The following TBXAS1 variants were observed in gnomAD, a reference collection of about 807,000 sequenced individuals.
TBXAS1 encodes the protein thromboxane-A synthase.
In TBXAS1, 48 loss-of-function variants were observed where a neutral mutation model predicts 60.7. The ratio of observed to expected loss-of-function variants is 0.79; its 90% CI spans 0.63 to 1.01. The LOEUF (loss-of-function observed/expected upper bound fraction) is 1.01, where lower values mean the gene tolerates loss of function less well. Ranked by LOEUF, TBXAS1 falls within the 50% of genes least tolerant of loss-of-function variation. TBXAS1 has a pLI of 0.00. For missense variants in TBXAS1, 685 were observed against 686.3 expected (o/e 1.00, Z 0.02); for synonymous variants, 287 against 269.7 (o/e 1.06, Z -0.63).
intron 9 of TBXAS1, among the ~76,000 whole-genome samples, chr7:139,986,755 ATGTGTG>A (rs72102720): frequency 2.5e-3 from 200 of 79,674 alleles, no homozygotes; most frequent in South Asian, 5.9e-3. Flanking sequence ...ATATATATAT[ATGTGTG>A]TGTGTGTGTG....
In TBXAS1 at chr7:139,784,877, A is replaced by G. The variant is rs181593696; in HGVS notation, c.-169+2148A>G. 2.9e-3 allele frequency among the ~76,000 whole-genome samples: 408 copies of G among 139,322 alleles called. 2 individuals are homozygous for G. The highest frequency in any genetic ancestry group is 8.0e-3 in the African/African-American group (277 of 34,478). 91.4% of individuals were successfully genotyped at this position (139,322 alleles called of 152,430 possible). Reference sequence around the variant, plus strand: ...TAGAGATTGTTTTGAGTCATCAGTAAGTGTATAATGCGTGGCTGATCCATA... The same window carrying G: ...TAGAGATTGTTTTGAGTCATCAGTAGGTGTATAATGCGTGGCTGATCCATA... On this transcript the variant is annotated intron_variant, in intron 3 of 16. Transcript: ENST00000336425.
upstream of TBXAS1, among the ~76,000 whole-genome samples, chr7:139,824,829 C>CTTTTCTTTT (rs1401847052): frequency 2.0e-3 from 78 of 38,842 alleles, 13 homozygotes; most frequent in East Asian, 7.7e-3. Flanking sequence ...TTTTCCTTTT[C>CTTTTCTTTT]TTTTTTTTTT....
In TBXAS1 at chr7:139,962,187, G is replaced by C. The variant is rs778850867; in HGVS notation, c.1088G>C (p.Cys363Ser). The change falls in exon 9 of 13, where the codon TGC (cysteine) becomes TCC (serine). Residue 363 changes from cysteine to serine, a missense_variant. By Grantham distance (112) the Cys-to-Ser change is moderately radical. Coordinates refer to ENST00000448866, the MANE Select transcript of TBXAS1 (RefSeq NM_001061.7). The part of the protein sequence containing the change: ...ATYLLATNPD[C>S]QEKLLREVDV... ...TACCTACTGGCCACCAACCCTGACT[G>C]CCAAGAGAAGCTTCTGAGAGAGGTA... 6.2e-6 allele frequency: 10 copies of C among 1,614,184 alleles called. No individual in the cohort carries two copies. Among genetic ancestry groups the C allele is most frequent in the Non-Finnish European group, 8.5e-6 (10 of 1,180,024 alleles).
In TBXAS1 at chr7:139,778,880, T is replaced by C. The variant is rs1796880170; in HGVS notation, c.-318+409T>C. ...GGATGCCCTGCCATCCCCTCCAACT[T>C]AGGAAGACTTGTTGAGTCTCCTCTT... On this transcript the variant is annotated intron_variant, in intron 1 of 16. Transcript: ENST00000336425. The surrounding 1 kb of genome is among the most constrained non-coding windows in gnomAD (Gnocchi z 4.8). Among the ~76,000 whole-genome samples, 2 of 152,304 alleles carry C rather than the reference T, an allele frequency of 1.3e-5. No individual in the cohort carries two copies. The highest frequency in any genetic ancestry group is 6.8e-3 in the Middle Eastern group (2 of 294).
chr7:139,856,670 G>A (rs973980442), intron 1 of TBXAS1, among the ~76,000 whole-genome samples: 1 of 152,170 alleles, frequency 6.6e-6, no homozygotes, highest in Non-Finnish European at 1.5e-5. Flanking sequence ...CGCCTTCATG[G>A]GTCCCATGTA....
upstream of TBXAS1, among the ~76,000 whole-genome samples, chr7:139,828,209 G>A (rs575685089): frequency 1.3e-5 from 2 of 152,154 alleles, no homozygotes; most frequent in South Asian, 4.2e-4. Context: ...TTGTTGAATT[G>A]GGTTAATTTG....
At chr7:139,782,658 C>G (rs1285124610) in intron 2 of TBXAS1, 1 of 152,150 alleles carries the variant, frequency 6.6e-6, no homozygotes, top group Admixed American at 6.6e-5. Context: ...CTCTTATTTT[C>G]CTGACAGCTC....
chr7:139,924,846 T>C lies in TBXAS1; in HGVS notation c.334-11345T>C, dbSNP rs180801819. On this transcript the variant is annotated intron_variant, in intron 4 of 12. Transcript: ENST00000448866. ...TTCAATTTTTGTATATGGTGAGAGA[T>C]AGGGGTCTAGTTTCATCATTCTTCA... Among the ~76,000 whole-genome samples the C allele has an allele frequency of 7.9e-5, 12 of 152,308 alleles. No homozygotes were observed. In the East Asian group the frequency reaches 2.3e-3, roughly 29 times the overall value.
chr7:139,931,213 C>T (rs1351997172), intron 4 of TBXAS1, among the ~76,000 whole-genome samples: 1 of 152,164 alleles, frequency 6.6e-6, no homozygotes, highest in Admixed American at 6.5e-5. Context: ...GTCTCTTTCT[C>T]TCCTTTTTTT....
chr7:139,826,724 T>C (rs775522562), upstream of TBXAS1, among the ~76,000 whole-genome samples: 1 of 152,170 alleles, frequency 6.6e-6, no homozygotes, highest in Non-Finnish European at 1.5e-5. Context: ...AGTTGACACA[T>C]AGGAAAGCTC....
chr7:139,899,326 C>G (rs767291121), intron 3 of TBXAS1, among the ~76,000 whole-genome samples: 1 of 152,204 alleles, frequency 6.6e-6, no homozygotes, highest in South Asian at 2.1e-4. Flanking sequence ...CCACCAGGAA[C>G]AGTCTATAGC....
intron 3 of TBXAS1, among the ~76,000 whole-genome samples, chr7:139,908,562 C>A (rs545645091): frequency 2.0e-5 from 3 of 152,150 alleles, no homozygotes; most frequent in African/African-American, 7.2e-5. Flanking sequence ...AATGCCTTAC[C>A]ATTTTGAGTG....
At chr7:139,782,128 A>C (rs1442352367) in intron 2 of TBXAS1, among the ~76,000 whole-genome samples, 1 of 151,770 alleles carries the variant, frequency 6.6e-6, no homozygotes, top group Non-Finnish European at 1.5e-5. Context: ...GATAGTGTGC[A>C]TTGTATTTTA....
At chr7:139,789,803 G>T (rs570528386) in intron 4 of TBXAS1, among the ~76,000 whole-genome samples, 28 of 151,902 alleles carry the variant, frequency 1.8e-4, no homozygotes, top group African/African-American at 6.5e-4. Flanking sequence ...GCTAATTTTT[G>T]CATTTTTACT....
chr7:139,947,503 A>G (rs1808823674), intron 5 of TBXAS1, among the ~76,000 whole-genome samples: 1 of 152,232 alleles, frequency 6.6e-6, no homozygotes, highest in Non-Finnish European at 1.5e-5. Flanking sequence ...ACCATGGCAT[A>G]TATTTACCTA....
chr7:139,806,101 A>AT (rs895428776), intron 4 of TBXAS1, among the ~76,000 whole-genome samples: 11 of 148,812 alleles, frequency 7.4e-5, no homozygotes, highest in East Asian at 2.0e-4. Flanking sequence ...CGCCTGGCTA[A>AT]TTTTTTTTTG....
At chr7:139,971,867 C>G (rs926717834) in intron 9 of TBXAS1, among the ~76,000 whole-genome samples, 3 of 152,126 alleles carry the variant, frequency 2.0e-5, no homozygotes, top group African/African-American at 7.2e-5. Flanking sequence ...TCTTTCTTCC[C>G]TTATTCTTGT....
At chr7:139,814,449 T>A (rs1341465556) in intron 4 of TBXAS1, among the ~76,000 whole-genome samples, 1 of 152,300 alleles carries the variant, frequency 6.6e-6, no homozygotes, top group East Asian at 1.9e-4. Flanking sequence ...CTGACCAAGC[T>A]TGATTGTATC....
intron 1 of TBXAS1, among the ~76,000 whole-genome samples, chr7:139,866,138 G>C (rs1404411600): frequency 6.6e-6 from 1 of 152,082 alleles, no homozygotes; most frequent in African/African-American, 2.4e-5. Flanking sequence ...GGACTAGCTG[G>C]GACAAACTTT....
Sources: allele counts gnomAD v4.1 joint callset (sites outside exome capture counted in the v4.1 genomes callset), GRCh38; gene constraint gnomAD v4.1.1; non-coding constraint Gnocchi (gnomAD v3.1); transcripts MANE v1.5; gene names NCBI Gene and HGNC (gene_info 2026-07-23, HGNC 2026-07-21).